The following TOP2B variants were observed in gnomAD, a reference collection of about 807,000 sequenced individuals.
TOP2B encodes the protein DNA topoisomerase II beta, also known as DNA topoisomerase 2-beta.
Under a neutral mutation model 193.5 loss-of-function variants are expected in TOP2B, and 51 were observed. The ratio of observed to expected loss-of-function variants is 0.26; its 90% CI spans 0.21 to 0.33. The LOEUF is 0.33. Ranked by LOEUF, TOP2B falls within the 10% of genes least tolerant of loss-of-function variation. The pLI, the probability that TOP2B is intolerant of heterozygous loss-of-function variation, is 1.00. For synonymous variants in TOP2B, 634 were observed against 635.7 expected, an observed-to-expected ratio of 1.00 and a Z score of 0.04; for missense variants, 1,378 against 1,909.3, an observed-to-expected ratio of 0.72 and a Z score of 5.19.
chr3:25,654,430 A>C (rs1703687008), intron 1 of TOP2B, among the ~76,000 whole-genome samples: 1 of 152,208 alleles, frequency 6.6e-6, no homozygotes, highest in Non-Finnish European at 1.5e-5. Context: ...GAAATGAAAA[A>C]AAGATACCAA....
At chr3:25,655,417 T>C (rs1338492742) in intron 1 of TOP2B, among the ~76,000 whole-genome samples, 2 of 152,172 alleles carry the variant, frequency 1.3e-5, no homozygotes, top group South Asian at 2.1e-4. Context: ...TTCTACACTG[T>C]TGGTGAGAAT....
In TOP2B at chr3:25,663,162, A is replaced by C. The variant is rs1421774371; in HGVS notation, c.69+1067T>G. Among the ~76,000 whole-genome samples, 5 of 152,352 alleles carry C rather than the reference A, an allele frequency of 3.3e-5. No homozygotes were observed. In the South Asian group the frequency reaches 6.2e-4, roughly 19 times the overall value. On this transcript the variant is annotated intron_variant, in intron 1 of 35. Coordinates refer to ENST00000264331, the MANE Select transcript of TOP2B (RefSeq NM_001330700.2). ...GTGATTAAAATGTTTTGCTGCTGTC[A>C]GTAGCACCCTTTTTATAAGAAGCAG...
Position 25,624,345 on chromosome 3 carries a change from T to C in TOP2B, c.2447A>G (p.His816Arg). 6.2e-7 allele frequency: 1 copy of C among 1,613,970 alleles called. No individual in the cohort carries two copies. Among genetic ancestry groups the C allele is most frequent in the Non-Finnish European group, 8.5e-7 (1 of 1,179,858 alleles). ...AGGGCTTGCAGCATCTTTGCCACCATGAAGCCGAGTTCCAAACTGACCAAT... is the reference window on the plus strand; with the variant it reads ...AGGGCTTGCAGCATCTTTGCCACCACGAAGCCGAGTTCCAAACTGACCAAT... ...QPIGQFGTRLHGGKDAASPRY... is the reference protein window; with the variant it reads ...QPIGQFGTRLRGGKDAASPRY... The change falls in exon 20 of 36, where the codon CAT becomes CGT. Residue 816 changes from histidine to arginine, a missense_variant. Physicochemically the swap from His to Arg is conservative, Grantham distance 29. This residue lies in a region of TOP2B where 379 missense variants were observed against 615.1 expected (regional missense o/e 0.62). Coordinates refer to ENST00000264331, the MANE Select transcript of TOP2B (RefSeq NM_001330700.2).
At chr3:25,658,930 G>C (rs1703829247) in intron 1 of TOP2B, among the ~76,000 whole-genome samples, 1 of 152,144 alleles carries the variant, frequency 6.6e-6, no homozygotes, top group Non-Finnish European at 1.5e-5. Flanking sequence ...GTTTTTCTGA[G>C]GGAGAATGAA....
At chr3:25,616,564 T>A (rs528959037) in intron 25 of TOP2B, among the ~76,000 whole-genome samples, 58 of 152,110 alleles carry the variant, frequency 3.8e-4, no homozygotes, top group African/African-American at 1.3e-3. Context: ...TAAATTTGAT[T>A]AAGCCACATT....
At chr3:25,639,144 A>C (rs1239090561) in intron 4 of TOP2B, among the ~76,000 whole-genome samples, 2 of 152,190 alleles carry the variant, frequency 1.3e-5, no homozygotes, top group Non-Finnish European at 2.9e-5. Context: ...ATAAAATAGT[A>C]TATATACTAT....
chr3:25,661,178 T>C (rs1164331089), intron 1 of TOP2B, among the ~76,000 whole-genome samples: 1 of 152,040 alleles, frequency 6.6e-6, no homozygotes, highest in Non-Finnish European at 1.5e-5. Context: ...TTTGTATTTT[T>C]AGTAGAGATG....
chr3:25,602,139 T>G (rs141481516), intron 33 of TOP2B, among the ~76,000 whole-genome samples: 3 of 152,170 alleles, frequency 2.0e-5, no homozygotes, highest in African/African-American at 7.2e-5. Context: ...CTTACACCTG[T>G]AATCCCAGAA....
rs972338183 is a variant in TOP2B, at chr3:25,621,990, G to GAAA, written c.2728-1177_2728-1175dup. Among the ~76,000 whole-genome samples, 6 of 132,704 alleles carry GAAA rather than the reference G, an allele frequency of 4.5e-5. No individual in the cohort carries two copies. The East Asian group carries it at 8.6e-4, about 19-fold the overall frequency. 87.1% of individuals were successfully genotyped at this position (132,704 alleles called of 152,430 possible). A position where few individuals can be genotyped will look rare whatever the true frequency, so the allele number is the denominator to read the frequency against. ...GGTGACAGAGTGAGACTCTGTCTCA[G>GAAA]AAAAAAAAAAAAAGAAAGAAAGAAA... On this transcript the variant is annotated intron_variant, in intron 21 of 35. Transcript: ENST00000264331.
intron 3 of TOP2B, among the ~76,000 whole-genome samples, 177 bp from the exon 4 acceptor site, chr3:25,642,562 G>A (rs1703293962): frequency 6.6e-6 from 1 of 151,756 alleles, no homozygotes; most frequent in East Asian, 1.9e-4. Flanking sequence ...TTCCTAAATT[G>A]TATTATCACA....
rs1403162566 is a variant in TOP2B, at chr3:25,664,312, G to C, written c.-15C>G. 2.0e-6 allele frequency: 3 copies of C among 1,522,000 alleles called. No individual in the cohort carries two copies. In the East Asian group the frequency reaches 7.7e-5, roughly 39 times the overall value. 94.3% of individuals were successfully genotyped at this position (1,522,000 alleles called of 1,614,324 possible). Reference sequence around the variant, plus strand: ...GACTTGGCCATGGCGAGTGCCTCCAGCTCACAGGCCCTGAGGCCGCAGCCG... The same window carrying C: ...GACTTGGCCATGGCGAGTGCCTCCACCTCACAGGCCCTGAGGCCGCAGCCG... On this transcript the variant is annotated 5_prime_UTR_variant, in exon 1 of 36. Transcript: ENST00000264331.
intron 7 of TOP2B, among the ~76,000 whole-genome samples, chr3:25,634,250 T>G (rs1346803270): frequency 6.6e-6 from 1 of 152,124 alleles, no homozygotes; most frequent in African/African-American, 2.4e-5. Flanking sequence ...TAAATTGTTA[T>G]AAAATATTTC....
chr3:25,648,981 A>G (rs760809531), intron 1 of TOP2B, among the ~76,000 whole-genome samples: 5 of 152,252 alleles, frequency 3.3e-5, no homozygotes, highest in African/African-American at 4.8e-5. Flanking sequence ...GTACAGATGA[A>G]CAAACAAAAA....
At chr3:25,631,325 T>G (rs1353950317) in intron 10 of TOP2B, among the ~76,000 whole-genome samples, 4 of 152,010 alleles carry the variant, frequency 2.6e-5, no homozygotes, top group African/African-American at 7.2e-5. Flanking sequence ...ATACAAAACG[T>G]GAGTCTTTAA....
chr3:25,643,403 G>C lies in TOP2B; in HGVS notation c.331+291C>G, dbSNP rs375839486. On this transcript the variant is annotated intron_variant, in intron 3 of 35. Transcript: ENST00000264331. ...ATATTCAAGATGACTCCAGGTAACT[G>C]TGATGCTAGCATATCCCAGATGACT... Among the ~76,000 whole-genome samples, 35 of 152,218 alleles carry C rather than the reference G, an allele frequency of 2.3e-4. No homozygotes were observed. The Middle Eastern group carries it at 0.017, about 74-fold the overall frequency.
rs61756346 is a variant in TOP2B at position 25,633,959 on chromosome 3, G to A, written c.908C>T (p.Thr303Ile). ...ATGAATAACTTTCAGGGCCACCCCA[G>A]TTTCATCCAATTTGTCTTTCACATA... ...DLYVKDKLDE[T>I]GVALKVIHEL... is the part of the protein sequence containing the mutation. The change falls in exon 8 of 36, where the codon ACT (threonine) becomes ATT (isoleucine). Residue 303 changes from threonine (T) to isoleucine (I), a missense_variant. Physicochemically the swap from Thr to Ile is moderately conservative, Grantham distance 89. Coordinates refer to ENST00000264331, the MANE Select transcript of TOP2B (RefSeq NM_001330700.2). 1.9e-6 allele frequency: 3 copies of A among 1,612,454 alleles called. No individual in the cohort carries two copies. The African/African-American group carries it at 4.0e-5, about 22-fold the overall frequency.
chr3:25,629,484 T>G (rs1167518091), intron 13 of TOP2B, among the ~76,000 whole-genome samples: 1 of 152,096 alleles, frequency 6.6e-6, no homozygotes, highest in Non-Finnish European at 1.5e-5. Context: ...GAAACCCAGG[T>G]AATACAGATA....
At chr3:25,649,935 T>C (rs1369896782) in intron 1 of TOP2B, among the ~76,000 whole-genome samples, 1 of 152,234 alleles carries the variant, frequency 6.6e-6, no homozygotes, top group Non-Finnish European at 1.5e-5. Context: ...GACACTTTTA[T>C]AAGTGATGAT....
Position 25,606,138 on chromosome 3 carries a change from T to A in TOP2B, c.4299-16A>T. ...CAAAGATTTTCTATTAGAAAGAAAA[T>A]AAACACCACAGAGGATACAATTTAA... is the stretch of plus-strand genomic sequence containing the variant. On this transcript the variant is annotated splice_polypyrimidine_tract_variant and intron_variant, in intron 31 of 35. Transcript: ENST00000264331. 7.8e-7 allele frequency: 1 copy of A among 1,284,230 alleles called. No individual in the cohort carries two copies. The allele number at this position is 1,284,230 out of a possible 1,614,324, so 79.6% of individuals were successfully genotyped here.
Sources: gnomAD v4.1 joint callset for allele counts (sites outside exome capture counted in the v4.1 genomes callset) on GRCh38, gnomAD v4.1.1 for gene constraint, gnomAD v4.1.1 regional missense constraint, MANE v1.5 for transcripts, NCBI Gene and HGNC (gene_info 2026-07-23, HGNC 2026-07-21) for gene names.